Variants in MYCBP2 observed in about 807,000 individuals in gnomAD.
MYCBP2 encodes the protein E3 ubiquitin-protein ligase MYCBP2.
Under a neutral mutation model 525.3 loss-of-function variants are expected in MYCBP2, and 120 were observed. That is an observed-to-expected ratio of 0.23 (90% confidence interval 0.20 to 0.27). The LOEUF (loss-of-function observed/expected upper bound fraction) is 0.27. MYCBP2 is among the 10% of genes least tolerant of loss of function. The pLI is 1.00. For synonymous variants in MYCBP2, 1,894 were observed against 1,955.8 expected, an observed-to-expected ratio of 0.97 and a Z score of 0.83; for missense variants, 4,149 against 5,657.1, an observed-to-expected ratio of 0.73 and a Z score of 8.55.
intron 35 of MYCBP2, among the ~76,000 whole-genome samples, chr13:77,177,095 G>T (rs537702721): frequency 6.7e-6 from 1 of 149,130 alleles, no homozygotes; most frequent in Non-Finnish European, 1.5e-5. Context: ...TCACCCATTA[G>T]TACTCTATGA....
chr13:77,067,626 C>T lies in MYCBP2; in HGVS notation c.12410G>A (p.Gly4137Asp), dbSNP rs1230519197. 2 of 1,614,160 alleles carry T rather than the reference C, an allele frequency of 1.2e-6. No individual in the cohort carries two copies. The highest frequency in any genetic ancestry group is 1.7e-5 in the Admixed American group (1 of 60,026). Residue 4137 changes from glycine to aspartate, a missense_variant, in exon 71 of 83, where the codon GGC becomes GAC. Gly to Asp is a moderately conservative substitution (Grantham distance 94, BLOSUM62 -1). Around this residue, in one of 21 missense-constraint regions of MYCBP2, gnomAD observed 148 missense variants for 179.4 expected, o/e 0.82. Coordinates refer to ENST00000544440, the MANE Select transcript of MYCBP2 (RefSeq NM_015057.5). ...TITGTAGTTV[G>D]KGVTTVTLPM... ...AAGAGTAACTGTTGTAACTCCTTTG[C>T]CCACAGTGGTACCAGCTGTTCCAGT...
intron 17 of MYCBP2, among the ~76,000 whole-genome samples, chr13:77,241,594 A>T (rs974813545): frequency 3.9e-5 from 6 of 152,178 alleles, no homozygotes; most frequent in Non-Finnish European, 7.4e-5. Context: ...CAATTTTCCC[A>T]TATACTTATA....
chr13:77,064,812 T>C, intron 72 of MYCBP2, 78 bp from the exon 73 acceptor site: 1 of 1,312,384 alleles, frequency 7.6e-7, no homozygotes, highest in Non-Finnish European at 1.0e-6. Flanking sequence ...TTAAATAACA[T>C]CTCCTATCAA....
Position 77,152,695 on chromosome 13 carries a change from C to T in MYCBP2, c.6916-1746G>A, listed in dbSNP as rs147076719. On this transcript the variant is annotated intron_variant, in intron 46 of 82. Coordinates refer to ENST00000544440, the MANE Select transcript of MYCBP2 (RefSeq NM_015057.5). ...AGCATGGCTGGAGACGGCTGGGCTTCAGGGAAATATCACCTTCTTCTCACA... is the reference window on the plus strand; with the variant it reads ...AGCATGGCTGGAGACGGCTGGGCTTTAGGGAAATATCACCTTCTTCTCACA... 1.9e-3 allele frequency among the ~76,000 whole-genome samples: 282 copies of T among 152,224 alleles called. 1 individual carries two copies. Among genetic ancestry groups the T allele is most frequent in the Middle Eastern group, 3.4e-3 (1 of 294 alleles).
chr13:77,308,575 T>C (rs1222206572), intron 1 of MYCBP2, among the ~76,000 whole-genome samples: 2 of 152,216 alleles, frequency 1.3e-5, no homozygotes, highest in African/African-American at 4.8e-5. Context: ...TAGTAAGTGC[T>C]AAACACATTT....
At chr13:77,241,273 C>A (rs906896172) in intron 17 of MYCBP2, among the ~76,000 whole-genome samples, 1 of 152,050 alleles carries the variant, frequency 6.6e-6, no homozygotes, top group East Asian at 1.9e-4. Context: ...CACAAATATA[C>A]TATACCTAGA....
intron 34 of MYCBP2, among the ~76,000 whole-genome samples, chr13:77,178,669 CTAAA>C (rs1237643860): frequency 1.3e-5 from 2 of 152,090 alleles, no homozygotes; most frequent in African/African-American, 2.4e-5. Context: ...TTTTGGGAGA[CTAAA>C]TAGATACAAA....
At chr13:77,207,366 C>G (rs995990262) in intron 23 of MYCBP2, among the ~76,000 whole-genome samples, 3 of 152,178 alleles carry the variant, frequency 2.0e-5, no homozygotes, top group Non-Finnish European at 4.4e-5. Context: ...CCCACAACGT[C>G]TTCATCATCC....
chr13:77,145,910 A>C (rs915912876), intron 48 of MYCBP2, among the ~76,000 whole-genome samples: 2 of 151,840 alleles, frequency 1.3e-5, no homozygotes, highest in African/African-American at 2.4e-5. Context: ...ATTTTTACAT[A>C]CTAGATATCT....
At chr13:77,235,891 G>C (rs2067846499) in intron 17 of MYCBP2, among the ~76,000 whole-genome samples, 2 of 152,000 alleles carry the variant, frequency 1.3e-5, no homozygotes, top group Admixed American at 1.3e-4. Flanking sequence ...TAGCATAAAG[G>C]TTCAGAGGTA....
At chr13:77,067,532 G>C (rs1426663573) in intron 71 of MYCBP2, 49 bp downstream of exon 71, 1 of 1,570,344 alleles carries the variant, frequency 6.4e-7, no homozygotes, top group Admixed American at 1.7e-5. Flanking sequence ...TTTCTGAACA[G>C]TAGCTCACTC....
chr13:77,117,042 TCCTTTGTTTTTC>T (rs551147851), intron 55 of MYCBP2, among the ~76,000 whole-genome samples: 1 of 152,182 alleles, frequency 6.6e-6, no homozygotes, highest in Non-Finnish European at 1.5e-5. Flanking sequence ...CTGATATTTT[TCCTTTGTTTTTC>T]CCTTTGTCCT....
At chr13:77,265,863 G>A (rs2073991997) in intron 8 of MYCBP2, among the ~76,000 whole-genome samples, 1 of 152,086 alleles carries the variant, frequency 6.6e-6, no homozygotes, top group South Asian at 2.1e-4. Flanking sequence ...AATATTTTAA[G>A]CTTGTATCTT....
At chr13:77,082,580 C>A (rs1415420113) in intron 63 of MYCBP2, among the ~76,000 whole-genome samples, 3 of 152,272 alleles carry the variant, frequency 2.0e-5, no homozygotes, top group African/African-American at 7.2e-5. Flanking sequence ...CAACACATTT[C>A]AAATTGAAAT....
chr13:77,202,559 C>T (rs1019787388), intron 26 of MYCBP2, among the ~76,000 whole-genome samples: 24 of 151,980 alleles, frequency 1.6e-4, no homozygotes, highest in Admixed American at 9.2e-4. Flanking sequence ...CCAGCATCAT[C>T]CTGATACCAA....
intron 1 of MYCBP2, among the ~76,000 whole-genome samples, chr13:77,301,721 A>T (rs2154370016): frequency 2.0e-5 from 3 of 152,298 alleles, no homozygotes; most frequent in Middle Eastern, 6.8e-3. Context: ...CAGACACATA[A>T]TCAAGAGAAA....
intron 30 of MYCBP2, among the ~76,000 whole-genome samples, chr13:77,187,594 C>T (rs1463403426): frequency 6.6e-6 from 1 of 152,152 alleles, no homozygotes; most frequent in Non-Finnish European, 1.5e-5. Context: ...ACGGAGAAGA[C>T]TGACAGAGCC....
At position 77,169,637 on chromosome 13, in the gene MYCBP2, G is replaced by A; in HGVS notation, c.5872C>T (p.Pro1958Ser). 6.2e-7 allele frequency: 1 copy of A among 1,613,494 alleles called. No homozygotes were observed. Among genetic ancestry groups the A allele is most frequent in the Non-Finnish European group, 8.5e-7 (1 of 1,179,570 alleles). ...LLPLIIAYIG[P>S]VAAAIPKVAV... The stretch of plus-strand genomic sequence containing the variant: ...ACCTTGGGAATAGCAGCAGCTACTG[G>A]TCCTATGTAGGCTATAATAAGGGGG... The change falls in exon 39 of 83, where the codon CCA becomes TCA. Residue 1958 changes from proline (P) to serine (S), a missense_variant. Around this residue, in one of 21 missense-constraint regions of MYCBP2, gnomAD observed 692 missense variants for 852.7 expected, o/e 0.81. Coordinates refer to ENST00000544440, the MANE Select transcript of MYCBP2 (RefSeq NM_015057.5).
chr13:77,246,582 A>G (rs1183739078), intron 15 of MYCBP2, among the ~76,000 whole-genome samples: 1 of 150,456 alleles, frequency 6.6e-6, no homozygotes, highest in African/African-American at 2.4e-5. Flanking sequence ...AAGGAGGAAA[A>G]GAAGGAGAAG....
Sources: allele counts gnomAD v4.1 joint callset (sites outside exome capture counted in the v4.1 genomes callset), GRCh38; gene constraint gnomAD v4.1.1; regional missense constraint gnomAD v4.1.1; transcripts MANE v1.5; gene names NCBI Gene and HGNC (gene_info 2026-07-23, HGNC 2026-07-21).